Variants in HSD17B12 observed in about 807,000 individuals in gnomAD.
HSD17B12 encodes the protein very-long-chain 3-oxoacyl-CoA reductase.
In HSD17B12, 32 loss-of-function variants were observed where a neutral mutation model predicts 39.3. The ratio of observed to expected loss-of-function variants is 0.81; its 90% CI spans 0.61 to 1.09. The LOEUF is 1.09. Ranked by LOEUF, HSD17B12 falls within the 50% of genes least tolerant of loss-of-function variation. The pLI, the probability that HSD17B12 is intolerant of heterozygous loss-of-function variation, is 0.00. For synonymous variants in HSD17B12, 150 were observed against 146.7 expected (o/e 1.02, Z -0.16); for missense variants, 342 against 382.9 (o/e 0.89, Z 0.89).
Position 43,788,168 on chromosome 11 carries a change from G to A in HSD17B12, c.284-10152G>A, listed in dbSNP as rs1056493083. On this transcript the variant is annotated intron_variant, in intron 3 of 10. Transcript: ENST00000278353. Reference sequence around the variant, plus strand: ...CTTTCTAACTTGATTTGTAGGTCACGGTTATCCTGCATGGAAAATTGGTCA... The same window carrying A: ...CTTTCTAACTTGATTTGTAGGTCACAGTTATCCTGCATGGAAAATTGGTCA... 5.9e-5 allele frequency among the ~76,000 whole-genome samples: 9 copies of A among 152,208 alleles called. No individual in the cohort carries two copies. In the South Asian group the frequency reaches 1.0e-3, roughly 18 times the overall value.
At chr11:43,773,207 A>G (rs756615456) in intron 3 of HSD17B12, among the ~76,000 whole-genome samples, 8 of 152,278 alleles carry the variant, frequency 5.3e-5, no homozygotes, top group Non-Finnish European at 1.2e-4. Context: ...GATTTGAAAA[A>G]TATTTTGTGG....
intron 3 of HSD17B12, among the ~76,000 whole-genome samples, chr11:43,780,408 T>C (rs767735788): frequency 2.0e-5 from 3 of 152,160 alleles, no homozygotes; most frequent in Non-Finnish European, 4.4e-5. Flanking sequence ...CCTCAGGTGA[T>C]CCACCCACCT....
At chr11:43,838,275 C>A in intron 7 of HSD17B12, 42 bp from the exon 8 acceptor site, 1 of 1,289,962 alleles carries the variant, frequency 7.8e-7, no homozygotes, top group Non-Finnish European at 1.1e-6. Flanking sequence ...CAACTGCATA[C>A]TGTGGCTTCA....
intron 2 of HSD17B12, among the ~76,000 whole-genome samples, chr11:43,753,834 C>A (rs1454480918): frequency 6.6e-6 from 1 of 151,974 alleles, no homozygotes; most frequent in Non-Finnish European, 1.5e-5. Flanking sequence ...CTTCTAAAAC[C>A]CTTTCACATT....
At chr11:43,667,398 C>T in the HSD17B12 span, among the ~76,000 whole-genome samples, 3 of 152,102 alleles carry the variant, frequency 2.0e-5, no homozygotes, top group Non-Finnish European at 4.4e-5. Flanking sequence ...GTGATCCGCC[C>T]GCCTCAGCCT....
intron 1 of HSD17B12, among the ~76,000 whole-genome samples, chr11:43,719,907 T>C (rs1396521994): frequency 6.6e-6 from 1 of 152,230 alleles, no homozygotes; most frequent in Non-Finnish European, 1.5e-5. Context: ...AGTACGATAG[T>C]TTTCTTTAAA....
At chr11:43,799,856 C>A (rs933649909) in intron 4 of HSD17B12, among the ~76,000 whole-genome samples, 1 of 152,150 alleles carries the variant, frequency 6.6e-6, no homozygotes, top group African/African-American at 2.4e-5. Flanking sequence ...TACTGTTGCA[C>A]CTGGCTTTCA....
intron 4 of HSD17B12, among the ~76,000 whole-genome samples, chr11:43,807,829 AG>A (rs1159982636): frequency 6.6e-6 from 1 of 152,172 alleles, no homozygotes; most frequent in East Asian, 1.9e-4. Flanking sequence ...AAGAAGAAGA[AG>A]AATGGTTTTG....
chr11:43,599,755 A>C, the HSD17B12 span, among the ~76,000 whole-genome samples: 1 of 152,244 alleles, frequency 6.6e-6, no homozygotes, highest in Admixed American at 6.5e-5. Flanking sequence ...ATAGATGGAT[A>C]TAGACACTCA....
intron 3 of HSD17B12, among the ~76,000 whole-genome samples, chr11:43,760,595 C>A (rs923897140): frequency 1.3e-5 from 2 of 152,022 alleles, no homozygotes; most frequent in African/African-American, 4.8e-5. Context: ...TAAGAAATGT[C>A]CATTTCACTT....
the HSD17B12 span, among the ~76,000 whole-genome samples, chr11:43,624,317 T>G: frequency 6.6e-6 from 1 of 151,966 alleles, no homozygotes; most frequent in Non-Finnish European, 1.5e-5. Context: ...TTATAAGATA[T>G]GCAAACGTTA....
At chr11:43,595,908 T>C in the HSD17B12 span, among the ~76,000 whole-genome samples, 1 of 152,308 alleles carries the variant, frequency 6.6e-6, no homozygotes, top group East Asian at 1.9e-4. Flanking sequence ...TTCCATGTTT[T>C]GGTGTTTGCA....
intron 1 of HSD17B12, among the ~76,000 whole-genome samples, chr11:43,693,939 C>T (rs1327201299): frequency 6.6e-6 from 1 of 152,194 alleles, no homozygotes; most frequent in Non-Finnish European, 1.5e-5. Context: ...GAAGCTACTG[C>T]TTATCTGTGT....
the HSD17B12 span, among the ~76,000 whole-genome samples, chr11:43,575,313 G>A: frequency 6.6e-6 from 1 of 152,256 alleles, no homozygotes; most frequent in African/African-American, 2.4e-5. This position sits in a 1 kb window ranked among gnomAD's most constrained non-coding sequence, Gnocchi z 4.1. Flanking sequence ...AGGAGGGAGA[G>A]AGCGGGAGCC....
rs1565093273 is a variant in HSD17B12 at position 43,798,310 on chromosome 11, T to C, written c.284-10T>C. The C allele has an allele frequency of 1.9e-6, 3 of 1,566,382 alleles. No homozygotes were observed. The African/African-American group carries it at 4.1e-5, about 21-fold the overall frequency. ...CTGTCTCTCCCCGTTTGTGTTTTCT[T>C]TTTCCCTAGAAGAAAAATTCAAAGT... On this transcript the variant is annotated splice_polypyrimidine_tract_variant and intron_variant, in intron 3 of 10. Transcript: ENST00000278353.
chr11:43,778,935 A>G (rs975050590), intron 3 of HSD17B12, among the ~76,000 whole-genome samples: 5 of 152,236 alleles, frequency 3.3e-5, no homozygotes, highest in African/African-American at 1.2e-4. Flanking sequence ...TCTCTTAGGA[A>G]TAAAATGTTA....
At chr11:43,580,720 G>A in the HSD17B12 span, among the ~76,000 whole-genome samples, 4 of 151,916 alleles carry the variant, frequency 2.6e-5, no homozygotes, top group Admixed American at 6.6e-5. Context: ...GTCCTGAACC[G>A]CTTTTTTTGG....
chr11:43,688,544 A>C (rs1358693486), intron 1 of HSD17B12, among the ~76,000 whole-genome samples: 1 of 152,204 alleles, frequency 6.6e-6, no homozygotes, highest in Admixed American at 6.5e-5. Context: ...CCTATCTCTA[A>C]CTGGCAATTC....
the HSD17B12 span, among the ~76,000 whole-genome samples, chr11:43,662,961 G>A: frequency 2.0e-5 from 3 of 152,306 alleles, no homozygotes; most frequent in African/African-American, 7.2e-5. Context: ...TTCAGAGATA[G>A]GATTCATCTT....
Sources: allele counts gnomAD v4.1 joint callset (sites outside exome capture counted in the v4.1 genomes callset), GRCh38; gene constraint gnomAD v4.1.1; non-coding constraint Gnocchi (gnomAD v3.1); transcripts MANE v1.5; gene names NCBI Gene and HGNC (gene_info 2026-07-23, HGNC 2026-07-21).